CFAP299: variants seen among roughly 807,000 people sequenced by gnomAD.
CFAP299 encodes the protein cilia- and flagella-associated protein 299.
A neutral mutation model predicts 27.0 loss-of-function variants in CFAP299; 21 were observed. The observed-to-expected ratio is 0.78, with a 90% CI of 0.55 to 1.12. The LOEUF is 1.12. CFAP299 is among the 50% of genes most tolerant of loss of function. CFAP299 has a pLI of 0.00. For missense variants in CFAP299, 310 were observed against 276.6 expected (o/e 1.12, Z -0.86); for synonymous variants, 104 against 98.1 (o/e 1.06, Z -0.36).
chr4:80,959,964 A>G (rs909731530), intron 5 of CFAP299, among the ~76,000 whole-genome samples: 3 of 151,968 alleles, frequency 2.0e-5, no homozygotes, highest in African/African-American at 7.2e-5. Flanking sequence ...GGTTGTAAAG[A>G]ACCTTAGCTC....
Position 80,749,526 on chromosome 4 carries a change from G to A in CFAP299, c.334-120467G>A, listed in dbSNP as rs1293880983. Among the ~76,000 whole-genome samples, 8 of 152,318 alleles carry A rather than the reference G, an allele frequency of 5.3e-5. 1 individual carries two copies. The South Asian group carries it at 8.3e-4, about 16-fold the overall frequency. ...GGCCATCTGCAAGTTGAGGAGCAAGGAAGCCAGTAGTGGATCAATCCAAGT... is the reference window on the plus strand; with the variant it reads ...GGCCATCTGCAAGTTGAGGAGCAAGAAAGCCAGTAGTGGATCAATCCAAGT... On this transcript the variant is annotated intron_variant, in intron 3 of 5. Transcript: ENST00000358105.
In CFAP299 at chr4:80,745,111, C is replaced by A. The variant is rs192027935; in HGVS notation, c.334-124882C>A. Reference sequence around the variant, plus strand: ...CACACAAAAAATGATGATGTTTGAACGAGAAAGCAACATATTTTGAGAACT... The same window carrying A: ...CACACAAAAAATGATGATGTTTGAAAGAGAAAGCAACATATTTTGAGAACT... On this transcript the variant is annotated intron_variant, in intron 3 of 5. Transcript: ENST00000358105. Among the ~76,000 whole-genome samples, 407 of 131,012 alleles carry A rather than the reference C, an allele frequency of 3.1e-3. 1 individual carries two copies. The highest frequency in any genetic ancestry group is 0.011 in the African/African-American group (378 of 34,584). The allele number at this position is 131,012 out of a possible 152,430, so 85.9% of individuals were successfully genotyped here.
chr4:80,930,843 C>G (rs1376790534), intron 4 of CFAP299, among the ~76,000 whole-genome samples: 2 of 152,092 alleles, frequency 1.3e-5, no homozygotes, highest in African/African-American at 2.4e-5. Context: ...AAATCCCACC[C>G]CTTTTCCTGG....
chr4:80,443,883 A>G (rs565786958), intron 2 of CFAP299, among the ~76,000 whole-genome samples: 1 of 152,300 alleles, frequency 6.6e-6, no homozygotes, highest in South Asian at 2.1e-4. Flanking sequence ...ACTACACACC[A>G]GTAATAGACA....
chr4:80,496,382 T>C lies in CFAP299; in HGVS notation c.243-86711T>C, dbSNP rs140517669. On this transcript the variant is annotated intron_variant, in intron 2 of 5. Coordinates refer to ENST00000358105, the MANE Select transcript of CFAP299 (RefSeq NM_152770.3). Reference sequence around the variant, plus strand: ...TTAGGTTCAAACTTCCACAGATTCCTGGGGCATGAACACGATGCAGCCAGG... The same window carrying C: ...TTAGGTTCAAACTTCCACAGATTCCCGGGGCATGAACACGATGCAGCCAGG... Among the ~76,000 whole-genome samples, 1,213 of 152,316 alleles carry C rather than the reference T, an allele frequency of 8.0e-3. 8 individuals carry two copies. Among genetic ancestry groups the C allele is most frequent in the Middle Eastern group, 0.017 (5 of 294 alleles).
chr4:80,461,282 G>T (rs1560577642), intron 2 of CFAP299, among the ~76,000 whole-genome samples: 1 of 152,078 alleles, frequency 6.6e-6, no homozygotes. Flanking sequence ...AAGAAAGGAG[G>T]TTCTCTACAG....
chr4:80,566,052 A>T (rs1239793099), intron 2 of CFAP299, among the ~76,000 whole-genome samples: 1 of 152,032 alleles, frequency 6.6e-6, no homozygotes, highest in Admixed American at 6.6e-5. Flanking sequence ...AGGTGAACCC[A>T]TTGCAGGGAG....
At chr4:80,701,597 GTC>G (rs1721484929) in intron 3 of CFAP299, among the ~76,000 whole-genome samples, 1 of 152,062 alleles carries the variant, frequency 6.6e-6, no homozygotes, top group South Asian at 2.1e-4. Context: ...ATTTACTGGT[GTC>G]TCTATTATTT....
At chr4:80,531,056 G>A (rs1178703905) in intron 2 of CFAP299, among the ~76,000 whole-genome samples, 1 of 152,120 alleles carries the variant, frequency 6.6e-6, no homozygotes, top group African/African-American at 2.4e-5. Flanking sequence ...TAAAAGTGTG[G>A]CTATGGCTAC....
At chr4:80,571,517 T>C (rs1735580091) in intron 2 of CFAP299, among the ~76,000 whole-genome samples, 1 of 152,106 alleles carries the variant, frequency 6.6e-6, no homozygotes, top group Admixed American at 6.6e-5. Context: ...AAAGTGTATG[T>C]AGAAAAATAA....
chr4:80,578,315 ACT>A (rs1735976925), intron 2 of CFAP299, among the ~76,000 whole-genome samples: 1 of 152,088 alleles, frequency 6.6e-6, no homozygotes, highest in Non-Finnish European at 1.5e-5. Flanking sequence ...CTTACCTCAC[ACT>A]CTGCATTAAC....
At chr4:80,884,581 T>C (rs1733878340) in intron 4 of CFAP299, among the ~76,000 whole-genome samples, 2 of 149,654 alleles carry the variant, frequency 1.3e-5, no homozygotes, top group Admixed American at 6.6e-5. Context: ...AACCTAACTT[T>C]ACACATAGCA....
intron 3 of CFAP299, among the ~76,000 whole-genome samples, chr4:80,727,551 G>T (rs1201261511): frequency 6.6e-6 from 1 of 151,990 alleles, no homozygotes; most frequent in Non-Finnish European, 1.5e-5. Flanking sequence ...ACTGTCTTGT[G>T]GAGCCATGGC....
intron 3 of CFAP299, among the ~76,000 whole-genome samples, chr4:80,761,872 A>G (rs1371215895): frequency 6.6e-6 from 1 of 152,134 alleles, no homozygotes; most frequent in East Asian, 1.9e-4. Context: ...GAGAGCATAG[A>G]AGCACCTTTT....
chr4:80,490,056 G>C (rs1245781959), intron 2 of CFAP299, among the ~76,000 whole-genome samples: 1 of 152,190 alleles, frequency 6.6e-6, no homozygotes, highest in Non-Finnish European at 1.5e-5. Context: ...GCCTGCGACA[G>C]GAGGCTGAGA....
At chr4:80,495,775 A>ACTAG (rs1731404838) in intron 2 of CFAP299, among the ~76,000 whole-genome samples, 1 of 152,254 alleles carries the variant, frequency 6.6e-6, no homozygotes, top group Non-Finnish European at 1.5e-5. Flanking sequence ...GAAGCATGAT[A>ACTAG]CTAGCATCTG....
chr4:80,409,171 G>C (rs1456266553), intron 2 of CFAP299, among the ~76,000 whole-genome samples: 4 of 151,966 alleles, frequency 2.6e-5, no homozygotes, highest in Non-Finnish European at 4.4e-5. Context: ...AAGGTAAACA[G>C]AGAAAGAAAA....
intron 2 of CFAP299, among the ~76,000 whole-genome samples, chr4:80,475,345 A>G (rs928138229): frequency 1.3e-5 from 2 of 152,192 alleles, no homozygotes; most frequent in Non-Finnish European, 2.9e-5. Context: ...TACCCAGGCA[A>G]GAAATGGTAG....
At position 80,651,518 on chromosome 4, in the gene CFAP299, G is replaced by A. The variant is rs117231085; in HGVS notation, c.333+68335G>A. On this transcript the variant is annotated intron_variant, in intron 3 of 5. Transcript: ENST00000358105. ...GTAACTGAGACTAGAGTTGTGCGCC[G>A]CCACACCTAGCTAATTTTTTGAATT... Among the ~76,000 whole-genome samples, 602 of 151,270 alleles carry A rather than the reference G, an allele frequency of 4.0e-3. 7 individuals are homozygous for A. In the East Asian group the frequency reaches 0.042, roughly 11 times the overall value.
Sources: allele counts gnomAD v4.1 joint callset (sites outside exome capture counted in the v4.1 genomes callset), GRCh38; gene constraint gnomAD v4.1.1; transcripts MANE v1.5; gene names NCBI Gene and HGNC (gene_info 2026-07-23, HGNC 2026-07-21).